The following CELF2 variants were observed in gnomAD, a reference collection of about 807,000 sequenced individuals.
CELF2 encodes the protein CUGBP Elav-like family member 2, also known as CUG triplet repeat RNA-binding protein 2.
In CELF2, 8 loss-of-function variants were observed where a neutral mutation model predicts 62.6. The observed-to-expected ratio is 0.13, with a 90% CI of 0.07 to 0.23. The LOEUF is 0.23. Ranked by LOEUF, CELF2 falls within the 10% of genes least tolerant of loss-of-function variation. The pLI, the probability that CELF2 is intolerant of heterozygous loss-of-function variation, is 1.00. For missense variants in CELF2, 333 were observed against 671.0 expected (o/e 0.50, Z 5.56); for synonymous variants, 258 against 250.0 (o/e 1.03, Z -0.30).
chr10:10,520,067 A>G, the CELF2 span, among the ~76,000 whole-genome samples: 2 of 152,208 alleles, frequency 1.3e-5, no homozygotes, highest in South Asian at 4.1e-4. Context: ...GGGATCTACT[A>G]AATCTTGCAA....
At chr10:10,592,737 T>A in the CELF2 span, among the ~76,000 whole-genome samples, 1 of 152,154 alleles carries the variant, frequency 6.6e-6, no homozygotes, top group Non-Finnish European at 1.5e-5. Flanking sequence ...ACTCAGCACA[T>A]TTTATTGGCT....
At chr10:11,176,573 G>C (rs1028669300) in intron 2 of CELF2, among the ~76,000 whole-genome samples, 1 of 152,186 alleles carries the variant, frequency 6.6e-6, no homozygotes, top group Non-Finnish European at 1.5e-5. Flanking sequence ...TTTCGAATGG[G>C]TGTGGCATTG....
rs552783095 is a variant in CELF2, at chr10:11,005,997, GTATTGAAAGCA to G, written c.53+558_53+568del. Among the ~76,000 whole-genome samples, 62 of 152,272 alleles carry G rather than the reference GTATTGAAAGCA, an allele frequency of 4.1e-4. No homozygotes were observed. Among genetic ancestry groups the G allele is most frequent in the Middle Eastern group, 3.4e-3 (1 of 294 alleles). ...CATGCATGGCGTCCTGGGTCCCCATGTATTGAAAGCAAATATTTGTTTCCTGCCTCTGTGTT... is the reference window on the plus strand; with the variant it reads ...CATGCATGGCGTCCTGGGTCCCCATGAATATTTGTTTCCTGCCTCTGTGTT... On this transcript the variant is annotated intron_variant, in intron 1 of 12. Coordinates refer to the CELF2 transcript ENST00000416382. The surrounding 1 kb of genome is among the most constrained non-coding windows in gnomAD (Gnocchi z 4.3).
At chr10:11,012,954 C>T (rs1269142941), upstream of CELF2, among the ~76,000 whole-genome samples, 3 of 152,028 alleles carry the variant, frequency 2.0e-5, no homozygotes, top group Non-Finnish European at 1.5e-5. This position sits in a 1 kb window ranked among gnomAD's most constrained non-coding sequence, Gnocchi z 5.5. Flanking sequence ...CCCACCCCTT[C>T]CCCAGACGTC....
intron 1 of CELF2, among the ~76,000 whole-genome samples, chr10:11,019,228 G>A (rs2057893467): frequency 6.6e-6 from 1 of 152,248 alleles, no homozygotes. Context: ...TGCCAGAGTG[G>A]GAACAAAAGG....
intron 1 of CELF2, among the ~76,000 whole-genome samples, chr10:10,861,638 A>G (rs2060052780): frequency 6.6e-6 from 1 of 152,074 alleles, no homozygotes. Flanking sequence ...TGCCTTCCCA[A>G]CCCCACTCCT....
rs1303445516 is a variant in CELF2 at position 11,319,880 on chromosome 10, G to A, written c.1097-1309G>A. 2.1e-6 allele frequency: 1 copy of A among 470,996 alleles called. No individual in the cohort carries two copies. The highest frequency in any genetic ancestry group is 1.5e-5 in the South Asian group (1 of 64,572). 29.2% of individuals were successfully genotyped at this position (470,996 alleles called of 1,614,324 possible). ...AACATTCCCCACCTGCTCTGTTAGG[G>A]CAGTAGCGTTGCTGGGCGTGTGGAG... On this transcript the variant is annotated intron_variant, in intron 10 of 12. Transcript: ENST00000633077. This position sits in a 1 kb window ranked among gnomAD's most constrained non-coding sequence, Gnocchi z 4.4.
the CELF2 span, among the ~76,000 whole-genome samples, chr10:10,682,021 A>G: frequency 6.6e-6 from 1 of 152,194 alleles, no homozygotes; most frequent in African/African-American, 2.4e-5. Flanking sequence ...CTCTGACATT[A>G]AGTCTCTAGA....
the CELF2 span, among the ~76,000 whole-genome samples, chr10:10,464,337 G>C: frequency 6.6e-6 from 1 of 152,144 alleles, no homozygotes; most frequent in Non-Finnish European, 1.5e-5. Flanking sequence ...CCAGTAACAA[G>C]CGACTAACTC....
chr10:10,513,515 G>T, the CELF2 span, among the ~76,000 whole-genome samples: 1 of 152,080 alleles, frequency 6.6e-6, no homozygotes, highest in East Asian at 1.9e-4. Context: ...ATATAAACTG[G>T]GGAAGAGAAA....
At chr10:10,500,338 G>A in the CELF2 span, among the ~76,000 whole-genome samples, 1 of 151,992 alleles carries the variant, frequency 6.6e-6, no homozygotes, top group East Asian at 1.9e-4. Context: ...ATATGATATG[G>A]TTTGGCTGTG....
chr10:10,588,082 C>T, the CELF2 span, among the ~76,000 whole-genome samples: 1 of 151,672 alleles, frequency 6.6e-6, no homozygotes, highest in South Asian at 2.1e-4. Context: ...TTCTAACAGA[C>T]TGTGTTAAAG....
At chr10:10,599,190 A>G in the CELF2 span, among the ~76,000 whole-genome samples, 1 of 152,250 alleles carries the variant, frequency 6.6e-6, no homozygotes, top group South Asian at 2.1e-4. Context: ...AGAATACTAT[A>G]GAGAAGTCAT....
At chr10:10,635,276 G>A in the CELF2 span, among the ~76,000 whole-genome samples, 282 of 152,190 alleles carry the variant, frequency 1.9e-3, 1 homozygote, top group Non-Finnish European at 3.5e-3. Flanking sequence ...CAACTTACAT[G>A]TAAATAATTT....
In CELF2 at chr10:11,191,779, G is replaced by A. The variant is rs1003484837; in HGVS notation, c.272-25646G>A. Reference sequence around the variant, plus strand: ...TGGTGTTTAGATTTCTGAACAAAACGATGATCCAAAATCTGAGTGTGGAGA... The same window carrying A: ...TGGTGTTTAGATTTCTGAACAAAACAATGATCCAAAATCTGAGTGTGGAGA... On this transcript the variant is annotated intron_variant, in intron 2 of 12. Coordinates refer to ENST00000633077, the MANE Select transcript of CELF2 (RefSeq NM_001326342.2). The surrounding 1 kb of genome is among the most constrained non-coding windows in gnomAD (Gnocchi z 4.1). Among the ~76,000 whole-genome samples, 1 of 152,142 alleles carries A rather than the reference G, an allele frequency of 6.6e-6. No individual in the cohort carries two copies. Among genetic ancestry groups the A allele is most frequent in the African/African-American group, 2.4e-5 (1 of 41,428 alleles).
upstream of CELF2, among the ~76,000 whole-genome samples, chr10:10,797,454 T>C (rs1343803869): frequency 6.6e-6 from 1 of 151,928 alleles, no homozygotes; most frequent in Non-Finnish European, 1.5e-5. Context: ...GGCATAATAA[T>C]AATTGTTTTA....
chr10:11,244,918 C>T lies in CELF2; in HGVS notation c.355-4235C>T, dbSNP rs115061891. 1.3e-3 allele frequency among the ~76,000 whole-genome samples: 204 copies of T among 152,286 alleles called. 1 individual carries two copies. Among genetic ancestry groups the T allele is most frequent in the African/African-American group, 4.6e-3 (192 of 41,568 alleles). ...CTTCCTCCATCTGTGTCTGGTGTCT[C>T]TTCTCTGAGTTCGCACCGTACAGCT... is the stretch of plus-strand genomic sequence containing the variant. On this transcript the variant is annotated intron_variant, in intron 3 of 12. Coordinates refer to ENST00000633077, the MANE Select transcript of CELF2 (RefSeq NM_001326342.2). The surrounding 1 kb of genome is among the most constrained non-coding windows in gnomAD (Gnocchi z 4.2).
At chr10:10,822,573 C>T (rs1178712343) in intron 1 of CELF2, among the ~76,000 whole-genome samples, 1 of 152,212 alleles carries the variant, frequency 6.6e-6, no homozygotes, top group Non-Finnish European at 1.5e-5. Flanking sequence ...GCCAGAAGTT[C>T]AACCTTCAGT....
the CELF2 span, among the ~76,000 whole-genome samples, chr10:10,618,048 TC>T: frequency 1.3e-5 from 2 of 152,012 alleles, no homozygotes; most frequent in African/African-American, 2.4e-5. Context: ...TCTGAGCAGC[TC>T]TCTCCACCCC....
Sources: allele counts gnomAD v4.1 joint callset (sites outside exome capture counted in the v4.1 genomes callset), GRCh38; gene constraint gnomAD v4.1.1; non-coding constraint Gnocchi (gnomAD v3.1); transcripts MANE v1.5; gene names NCBI Gene and HGNC (gene_info 2026-07-23, HGNC 2026-07-21).